Variants in MUC4 observed in about 807,000 individuals in gnomAD.
MUC4 encodes the protein mucin 4, cell surface associated.
MUC4 carries 202 observed loss-of-function variants against 257.9 expected under a neutral mutation model. That is an observed-to-expected ratio of 0.78 (90% CI 0.70 to 0.88). MUC4 has a LOEUF of 0.88. MUC4 is among the 40% of genes least tolerant of loss of function. The pLI is 0.00. For missense variants in MUC4, 5,976 were observed against 6,513.7 expected (o/e 0.92, Z 2.84); for synonymous variants, 2,351 against 2,757.1 (o/e 0.85, Z 4.62).
intron 12 of MUC4, 88 bp from the exon 13 acceptor site, chr3:195,763,033 A>G: frequency 8.8e-7 from 1 of 1,135,398 alleles, no homozygotes; most frequent in South Asian, 1.3e-5. Flanking sequence ...TGGGGCTGGA[A>G]GCTGCGCCCT....
intron 1 of MUC4, chr3:195,809,631 A>C (rs1433596757): frequency 6.6e-6 from 1 of 152,598 alleles, no homozygotes; most frequent in Non-Finnish European, 1.5e-5. Context: ...GCACACCAAC[A>C]GTCCTTCACT....
At chr3:195,762,638 ACCGGGCCCTGCACCGCCACG>A (rs1560246375) in intron 13 of MUC4, among the ~76,000 whole-genome samples, 197 bp downstream of exon 13, 1,043 of 46,058 alleles carry the variant, frequency 0.023, 49 homozygotes, top group African/African-American at 0.052. Context: ...ACCGCCACGC[ACCGGGCCCTGCACCGCCACG>A]CACCGGGCCC....
At chr3:195,775,076 C>T (rs915806094) in intron 3 of MUC4, among the ~76,000 whole-genome samples, 1 of 152,122 alleles carries the variant, frequency 6.6e-6, no homozygotes, top group East Asian at 1.9e-4. Flanking sequence ...TTTGAGAAAC[C>T]TTGTCCCAAA....
chr3:195,752,203 C>T (rs943109633), intron 21 of MUC4, 170 bp downstream of exon 21: 3 of 644,356 alleles, frequency 4.7e-6, no homozygotes, highest in East Asian at 2.7e-5. Flanking sequence ...TGTCTTGGGC[C>T]TTCCTCACTT....
At chr3:195,773,872 CA>C (rs2148877201) in intron 4 of MUC4, among the ~76,000 whole-genome samples, 1 of 152,384 alleles carries the variant, frequency 6.6e-6, no homozygotes, top group South Asian at 2.1e-4. Context: ...AGGCAGGGAC[CA>C]GGGGGCCAGA....
chr3:195,788,990 C>A lies in MUC4; in HGVS notation c.2590G>T (p.Ala864Ser), dbSNP rs376032160. 39 of 1,613,794 alleles carry A rather than the reference C, an allele frequency of 2.4e-5. No individual in the cohort carries two copies. The East Asian group carries it at 6.9e-4, about 29-fold the overall frequency. ...HGAIPVSTGMASSIVPGTFHP... is the reference protein window; with the variant it reads ...HGAIPVSTGMSSSIVPGTFHP... ...AAGGTGCCGGGGACGATCGAAGACGCCATTCCTGTGCTTACTGGGATGGCA... is the reference window on the plus strand; with the variant it reads ...AAGGTGCCGGGGACGATCGAAGACGACATTCCTGTGCTTACTGGGATGGCA... Residue 864 changes from alanine (A) to serine (S), a missense_variant, in exon 2 of 25, where the codon GCG becomes TCG. This residue lies in a region of MUC4 where 1,583 missense variants were observed against 1,257.4 expected (regional missense o/e 1.26). Coordinates refer to ENST00000463781, the MANE Select transcript of MUC4 (RefSeq NM_018406.7).
At chr3:195,793,265 G>T (rs576709014) in intron 1 of MUC4, among the ~76,000 whole-genome samples, 1 of 152,278 alleles carries the variant, frequency 6.6e-6, no homozygotes, top group African/African-American at 2.4e-5. Flanking sequence ...GGGAGGCTGA[G>T]ATGGGTGGAT....
rs1010543173 is a variant in MUC4 at position 195,755,286 on chromosome 3, C to G, written c.15169-914G>C. ...TCTCGGCTCACTGCAATGTCCCCCTCCCAAGTTAAAGCAATTCTTGTGCCT... is the reference window on the plus strand; with the variant it reads ...TCTCGGCTCACTGCAATGTCCCCCTGCCAAGTTAAAGCAATTCTTGTGCCT... On this transcript the variant is annotated intron_variant, in intron 18 of 24. Transcript: ENST00000463781. The surrounding 1 kb of genome is among the most constrained non-coding windows in gnomAD (Gnocchi z 5.0). Among the ~76,000 whole-genome samples the G allele has an allele frequency of 9.9e-5, 15 of 151,994 alleles. No homozygotes were observed. Among genetic ancestry groups the G allele is most frequent in the African/African-American group, 3.6e-4 (15 of 41,366 alleles).
In MUC4 at chr3:195,788,005, G is replaced by A; in HGVS notation, c.3575C>T (p.Ser1192Leu). 7.1e-7 allele frequency: 1 copy of A among 1,404,218 alleles called. No individual in the cohort carries two copies. Among genetic ancestry groups the A allele is most frequent in the Middle Eastern group, 2.5e-4 (1 of 4,036 alleles). The allele number at this position is 1,404,218 out of a possible 1,614,324, so 87.0% of individuals were successfully genotyped here. The change falls in exon 2 of 25, where the codon TCA becomes TTA. Residue 1192 changes from serine to leucine, a missense_variant. Transcript: ENST00000463781. ...TTPLPVTSPS[S>L]ASTGHATPLL... The stretch of plus-strand genomic sequence containing the variant: ...AGGGGTGGCGTGACCTGTGGATGCT[G>A]AGGAAGGGCTAGTGACAGGAAGAGG...
intron 1 of MUC4, among the ~76,000 whole-genome samples, chr3:195,804,995 G>C (rs182908003): frequency 2.6e-5 from 4 of 152,266 alleles, no homozygotes; most frequent in Non-Finnish European, 5.9e-5. Context: ...ATACATCCCA[G>C]GCCCTGTGGC....
chr3:195,779,692 G>A lies in MUC4; in HGVS notation c.11888C>T (p.Thr3963Ile), dbSNP rs1444092841. Residue 3963 changes from threonine to isoleucine, a missense_variant, in exon 2 of 25, where the codon ACA (threonine) becomes ATA (isoleucine). This residue lies in a region of MUC4 where 293 missense variants were observed against 294.5 expected (regional missense o/e 1.00). Transcript: ENST00000463781. Reference sequence around the variant, plus strand: ...GACAGGAAGAGAGGTGGCGTGACCTGTGGATACTGAGGAAGTGTCGGTGAC... The same window carrying A: ...GACAGGAAGAGAGGTGGCGTGACCTATGGATACTGAGGAAGTGTCGGTGAC... ...LPVTDTSSVS[T>I]GHATSLPVTS... is the part of the protein sequence containing the mutation. 1 of 1,233,972 alleles carries A rather than the reference G, an allele frequency of 8.1e-7. No individual in the cohort carries two copies. Among genetic ancestry groups the A allele is most frequent in the African/African-American group, 1.9e-5 (1 of 52,542 alleles). The allele number at this position is 1,233,972 out of a possible 1,614,324, so 76.4% of individuals were successfully genotyped here.
chr3:195,786,320 A>T lies in MUC4; in HGVS notation c.5260T>A (p.Ser1754Thr). 6.6e-7 allele frequency: 1 copy of T among 1,519,456 alleles called. No homozygotes were observed. The highest frequency in any genetic ancestry group is 8.9e-7 in the Non-Finnish European group (1 of 1,126,362). 94.1% of individuals were successfully genotyped at this position (1,519,456 alleles called of 1,614,324 possible). A position where few individuals can be genotyped will look rare whatever the true frequency, so the allele number is the denominator to read the frequency against. The part of the protein sequence containing the change: ...PLLVTDASSA[S>T]TGQATPLPVT... Reference sequence around the variant, plus strand: ...GGAAGAGGGGTGGCCTGACCTGTGGATGCTGAGGAAGCGTCAGTGACAAGA... The same window carrying T: ...GGAAGAGGGGTGGCCTGACCTGTGGTTGCTGAGGAAGCGTCAGTGACAAGA... Residue 1754 changes from serine (S) to threonine (T), a missense_variant, in exon 2 of 25, where the codon TCC (serine) becomes ACC (threonine). Physicochemically the swap from Ser to Thr is moderately conservative, Grantham distance 58. Coordinates refer to ENST00000463781, the MANE Select transcript of MUC4 (RefSeq NM_018406.7).
chr3:195,784,657 GTGA>G lies in MUC4; in HGVS notation c.6920_6922del (p.Val2307_Thr2308delinsAla). The G allele has an allele frequency of 7.3e-7, 1 of 1,370,506 alleles. No individual in the cohort carries two copies. Among genetic ancestry groups the G allele is most frequent in the Non-Finnish European group, 9.8e-7 (1 of 1,019,652 alleles). The allele number at this position is 1,370,506 out of a possible 1,614,324, so 84.9% of individuals were successfully genotyped here. ...ACCTGTGGATGCTGAGGAAGCGTCG[GTGA>G]CATGAAGAGGGGTGGCGTGACCTGT... On this transcript the variant is annotated inframe_deletion, in exon 2 of 25. Coordinates refer to ENST00000463781, the MANE Select transcript of MUC4 (RefSeq NM_018406.7).
chr3:195,801,706 A>T (rs1394179539), intron 1 of MUC4, among the ~76,000 whole-genome samples: 2 of 151,940 alleles, frequency 1.3e-5, no homozygotes, highest in Non-Finnish European at 2.9e-5. Flanking sequence ...GAGCTACCAG[A>T]ATCTCCTTCC....
intron 1 of MUC4, among the ~76,000 whole-genome samples, chr3:195,803,696 T>C (rs1201808727): frequency 1.3e-5 from 2 of 151,912 alleles, no homozygotes; most frequent in African/African-American, 4.8e-5. Context: ...GGCAGGGAAA[T>C]TGAGATTTGA....
In MUC4 at chr3:195,790,152, A is replaced by C; in HGVS notation, c.1428T>G (p.Ser476=). Residue 476 remains serine, a synonymous_variant, in exon 2 of 25, where the codon TCT becomes TCG. Coordinates refer to ENST00000463781, the MANE Select transcript of MUC4 (RefSeq NM_018406.7). ...TTTCATGTAGAGTAAATATTTCTTG[A>C]GACACACCTGGAGAGAATGAGCTCC... ...HERSSFSPGV[S]QEIFTLHETT... The C allele has an allele frequency of 6.2e-7, 1 of 1,613,990 alleles. No individual in the cohort carries two copies. The highest frequency in any genetic ancestry group is 8.5e-7 in the Non-Finnish European group (1 of 1,179,908).
Position 195,789,156 on chromosome 3 carries a change from G to T in MUC4, c.2424C>A (p.Ser808=), listed in dbSNP as rs527727094. ...TSAGTATPSS[S]GASGTTPSGS... ...CTGAAGGTGTTGTGCCACTCGCCCC[G>T]GATGAGGAAGGGGTAGCTGTGCCCG... is the stretch of plus-strand genomic sequence containing the variant. Residue 808 remains serine (S), a synonymous_variant, in exon 2 of 25, where the codon TCC becomes TCA. Coordinates refer to ENST00000463781, the MANE Select transcript of MUC4 (RefSeq NM_018406.7). The T allele has an allele frequency of 1.9e-6, 3 of 1,613,786 alleles. No individual in the cohort carries two copies. Among genetic ancestry groups the T allele is most frequent in the Non-Finnish European group, 1.7e-6 (2 of 1,179,848 alleles).
At chr3:195,748,750 G>C (rs1715698266) in intron 24 of MUC4, 152 bp downstream of exon 24, 5 of 1,053,510 alleles carry the variant, frequency 4.7e-6, no homozygotes, top group Admixed American at 6.2e-5. Flanking sequence ...TCTCCACACA[G>C]AGCAGGCACT....
At chr3:195,752,064 G>C in intron 21 of MUC4, 1 of 387,804 alleles carries the variant, frequency 2.6e-6, no homozygotes, top group East Asian at 3.8e-5. Flanking sequence ...GTTCCCTCTG[G>C]GAAGTCAGGG....
Sources: gnomAD v4.1 joint callset for allele counts (sites outside exome capture counted in the v4.1 genomes callset) on GRCh38, gnomAD v4.1.1 for gene constraint, gnomAD v4.1.1 regional missense constraint, Gnocchi (gnomAD v3.1) non-coding constraint, MANE v1.5 for transcripts, NCBI Gene and HGNC (gene_info 2026-07-23, HGNC 2026-07-21) for gene names.